The following DSCAML1 variants were observed in gnomAD, a reference collection of about 807,000 sequenced individuals.
DSCAML1 encodes DS cell adhesion molecule like 1.
A neutral mutation model predicts 200.5 loss-of-function variants in DSCAML1; 38 were observed. The ratio of observed to expected loss-of-function variants is 0.19; its 90% CI spans 0.15 to 0.25. The LOEUF is 0.25. Ranked by LOEUF, DSCAML1 falls within the 10% of genes least tolerant of loss-of-function variation. The pLI is 1.00. For synonymous variants in DSCAML1, 1,215 were observed against 1,165.0 expected (o/e 1.04, Z -0.87); for missense variants, 2,223 against 2,858.8 (o/e 0.78, Z 5.07).
At chr11:117,676,028 T>A (rs1016567010) in intron 3 of DSCAML1, among the ~76,000 whole-genome samples, 1 of 152,188 alleles carries the variant, frequency 6.6e-6, no homozygotes, top group Non-Finnish European at 1.5e-5. Context: ...CGAGCTGCAG[T>A]TCTGCTAATG....
intron 14 of DSCAML1, among the ~76,000 whole-genome samples, chr11:117,472,677 G>A (rs570083): frequency 0.31 from 47,183 of 151,834 alleles, 8,009 homozygotes; most frequent in East Asian, 0.48. Flanking sequence ...ACATGTTCAC[G>A]ATTTATCCAG....
chr11:117,433,343 C>T (rs2047842355), intron 28 of DSCAML1, 87 bp from the exon 29 acceptor site: 2 of 1,572,224 alleles, frequency 1.3e-6, no homozygotes, highest in Non-Finnish European at 1.7e-6. Context: ...ATTTTAGAAG[C>T]CTGCCTCCTA....
chr11:117,533,015 C>T (rs530952298), intron 3 of DSCAML1, among the ~76,000 whole-genome samples: 2 of 151,786 alleles, frequency 1.3e-5, no homozygotes, highest in Non-Finnish European at 2.9e-5. Flanking sequence ...TAGGGCACGC[C>T]GGTAGTCCCA....
intron 3 of DSCAML1, among the ~76,000 whole-genome samples, chr11:117,618,768 A>G (rs1446403689): frequency 1.3e-5 from 2 of 152,158 alleles, no homozygotes; most frequent in African/African-American, 4.8e-5. Context: ...TCAGTGGGCC[A>G]AGGAGAGCAC....
At chr11:117,572,750 T>C (rs1416311777) in intron 3 of DSCAML1, among the ~76,000 whole-genome samples, 1 of 152,126 alleles carries the variant, frequency 6.6e-6, no homozygotes, top group Non-Finnish European at 1.5e-5. Flanking sequence ...CTTCATTAGA[T>C]AAGTGGTGGT....
At chr11:117,538,966 C>A (rs1389207689) in intron 3 of DSCAML1, among the ~76,000 whole-genome samples, 1 of 152,154 alleles carries the variant, frequency 6.6e-6, no homozygotes, top group Admixed American at 6.5e-5. Context: ...CTCCTTCTGT[C>A]CCCAGCACAC....
Position 117,815,787 on chromosome 11 carries a change from A to T in DSCAML1, c.-250+1603T>A, listed in dbSNP as rs187288388. Among the ~76,000 whole-genome samples the T allele has an allele frequency of 5.7e-3, 866 of 151,060 alleles. 7 individuals are homozygous for T. Among genetic ancestry groups the T allele is most frequent in the African/African-American group, 0.019 (806 of 41,356 alleles). Reference sequence around the variant, plus strand: ...CTGCACCCTGTGAAGGGAAGCTCAGAATTCAGGGAGACTCAGGGTCCCCTG... The same window carrying T: ...CTGCACCCTGTGAAGGGAAGCTCAGTATTCAGGGAGACTCAGGGTCCCCTG... On this transcript the variant is annotated intron_variant, in intron 1 of 2. Transcript: ENST00000525836.
chr11:117,566,564 G>T (rs1016661069), intron 3 of DSCAML1, among the ~76,000 whole-genome samples: 25 of 149,562 alleles, frequency 1.7e-4, no homozygotes, highest in South Asian at 8.5e-4. Flanking sequence ...TTTTTTTTTT[G>T]TTTGTTTTAT....
At chr11:117,578,306 A>G (rs1189989105) in intron 3 of DSCAML1, among the ~76,000 whole-genome samples, 1 of 150,070 alleles carries the variant, frequency 6.7e-6, no homozygotes, top group Admixed American at 6.6e-5. Flanking sequence ...GTCTATCCCA[A>G]TCCCCCTTCT....
intron 11 of DSCAML1, among the ~76,000 whole-genome samples, chr11:117,486,751 C>A (rs1164327421): frequency 2.0e-5 from 3 of 151,932 alleles, no homozygotes; most frequent in African/African-American, 7.3e-5. Context: ...TTGCAGAGCC[C>A]AGATGAAGAC....
chr11:117,477,843 G>C (rs571477849), intron 14 of DSCAML1, among the ~76,000 whole-genome samples: 60 of 152,268 alleles, frequency 3.9e-4, no homozygotes, highest in African/African-American at 1.4e-3. Flanking sequence ...TGCCTGCCTG[G>C]GTGGGCTGTG....
intron 5 of DSCAML1, among the ~76,000 whole-genome samples, chr11:117,521,774 C>G (rs182203035): frequency 6.6e-6 from 1 of 152,082 alleles, no homozygotes; most frequent in African/African-American, 2.4e-5. Flanking sequence ...GGGGGGGCAC[C>G]CTTGGCCCAG....
intron 3 of DSCAML1, among the ~76,000 whole-genome samples, chr11:117,571,261 A>C (rs1191301514): frequency 6.6e-6 from 1 of 152,194 alleles, no homozygotes; most frequent in Admixed American, 6.5e-5. Flanking sequence ...TTTGGAGATC[A>C]TCCTTATCAT....
At chr11:117,436,438 TTC>T (rs1250121671) in intron 26 of DSCAML1, among the ~76,000 whole-genome samples, 4 of 152,188 alleles carry the variant, frequency 2.6e-5, no homozygotes, top group Admixed American at 6.5e-5. Flanking sequence ...ACTGCTTTTA[TTC>T]TGTTTCCTTA....
At chr11:117,788,823 C>T (rs1261775035) in intron 1 of DSCAML1, among the ~76,000 whole-genome samples, 1 of 152,236 alleles carries the variant, frequency 6.6e-6, no homozygotes, top group Non-Finnish European at 1.5e-5. Context: ...AGCTGCATTT[C>T]ACATCTTTAT....
chr11:117,429,488 C>T (rs1361190819), intron 32 of DSCAML1, among the ~76,000 whole-genome samples: 1 of 121,008 alleles, frequency 8.3e-6, no homozygotes, highest in Non-Finnish European at 2.0e-5. Flanking sequence ...ACTGCAACCT[C>T]CGCTTCCCGA....
rs780588602 is a variant in DSCAML1 at position 117,606,752 on chromosome 11, G to A, written c.512-74230C>T. ...GGATCCCAATTACCTCTGTTGCACC[G>A]CAAATCTTGCAAATGTTAGCCCATC... On this transcript the variant is annotated intron_variant, in intron 3 of 32. Coordinates refer to ENST00000651296, the MANE Select transcript of DSCAML1 (RefSeq NM_020693.4). 9.9e-5 allele frequency among the ~76,000 whole-genome samples: 15 copies of A among 152,262 alleles called. No homozygotes were observed. In the South Asian group the frequency reaches 1.0e-3, roughly 11 times the overall value.
intron 11 of DSCAML1, among the ~76,000 whole-genome samples, chr11:117,495,293 T>G (rs2049269170): frequency 6.6e-6 from 1 of 152,054 alleles, no homozygotes; most frequent in Non-Finnish European, 1.5e-5. Context: ...CCTGATATCC[T>G]CCCCAGCACC....
chr11:117,772,390 C>G (rs960374015), intron 3 of DSCAML1, among the ~76,000 whole-genome samples: 2 of 152,174 alleles, frequency 1.3e-5, no homozygotes, highest in African/African-American at 4.8e-5. Context: ...TGTCTCCCTA[C>G]CCACAATAAA....
Sources: gnomAD v4.1 joint callset for allele counts (sites outside exome capture counted in the v4.1 genomes callset) on GRCh38, gnomAD v4.1.1 for gene constraint, MANE v1.5 for transcripts, NCBI Gene and HGNC (gene_info 2026-07-23, HGNC 2026-07-21) for gene names.